Variants in CSMD1 observed in about 807,000 individuals in gnomAD.
CSMD1 encodes the protein CUB and Sushi multiple domains 1.
Under a neutral mutation model 417.5 loss-of-function variants are expected in CSMD1, and 213 were observed. The ratio of observed to expected loss-of-function variants is 0.51; its 90% CI spans 0.46 to 0.57. The LOEUF (loss-of-function observed/expected upper bound fraction) is 0.57. Ranked by LOEUF, CSMD1 falls within the 20% of genes least tolerant of loss-of-function variation. CSMD1 has a pLI of 0.00. For missense variants in CSMD1, 6,923 were observed against 4,529.7 expected (o/e 1.53, Z -15.17); for synonymous variants, 2,862 against 1,736.8 (o/e 1.65, Z -16.11).
chr8:4,652,700 A>T (rs1585396943), intron 1 of CSMD1, among the ~76,000 whole-genome samples: 2 of 152,124 alleles, frequency 1.3e-5, no homozygotes, highest in East Asian at 3.9e-4. Flanking sequence ...CATCAGGGCA[A>T]TCCCAAGCGC....
intron 18 of CSMD1, among the ~76,000 whole-genome samples, chr8:3,374,664 G>A (rs547775759): frequency 3.3e-5 from 5 of 152,310 alleles, no homozygotes; most frequent in African/African-American, 1.2e-4. Flanking sequence ...CGGAGGAAAT[G>A]CAGAAGATCA....
chr8:4,957,592 A>G (rs1809202543), intron 1 of CSMD1, among the ~76,000 whole-genome samples: 1 of 152,202 alleles, frequency 6.6e-6, no homozygotes, highest in Admixed American at 6.5e-5. Flanking sequence ...AATCTTGTGA[A>G]AGATCCTCAT....
chr8:4,633,423 G>A (rs1434130985), intron 2 of CSMD1, among the ~76,000 whole-genome samples: 1 of 150,402 alleles, frequency 6.6e-6, no homozygotes, highest in African/African-American at 2.5e-5. Context: ...ATTTTTTTTT[G>A]TATTTTTAGT....
intron 2 of CSMD1, among the ~76,000 whole-genome samples, chr8:4,568,190 C>G (rs766717276): frequency 6.6e-6 from 1 of 152,052 alleles, no homozygotes; most frequent in Non-Finnish European, 1.5e-5. Flanking sequence ...GCAGAAAGTG[C>G]CAGTTTGACA....
At chr8:3,772,932 G>A (rs1466483758) in intron 5 of CSMD1, among the ~76,000 whole-genome samples, 1 of 152,062 alleles carries the variant, frequency 6.6e-6, no homozygotes, top group Non-Finnish European at 1.5e-5. Flanking sequence ...ATGGCTCACA[G>A]TTCTGGGGTC....
chr8:3,367,327 G>A (rs533534290), intron 19 of CSMD1, 80 bp from the exon 20 acceptor site: 650 of 836,722 alleles, frequency 7.8e-4, no homozygotes, highest in Middle Eastern at 2.6e-3. Flanking sequence ...GAGCGGGGCA[G>A]AGAGAGACAG....
rs113621054 is a variant in CSMD1, at chr8:4,173,811, G to A, written c.416-141712C>T. Reference sequence around the variant, plus strand: ...AAAGTTAGTGGTGAGGTGCGCTTGAGGAACAATCTGATCAGGCTTCTCAGT... The same window carrying A: ...AAAGTTAGTGGTGAGGTGCGCTTGAAGAACAATCTGATCAGGCTTCTCAGT... On this transcript the variant is annotated intron_variant, in intron 3 of 69. Transcript: ENST00000635120. Among the ~76,000 whole-genome samples, 1,195 of 152,224 alleles carry A rather than the reference G, an allele frequency of 7.9e-3. 20 individuals carry two copies. The highest frequency in any genetic ancestry group is 0.028 in the African/African-American group (1,144 of 41,520).
chr8:3,691,555 T>C (rs1404119408), intron 7 of CSMD1, among the ~76,000 whole-genome samples: 1 of 152,154 alleles, frequency 6.6e-6, no homozygotes, highest in South Asian at 2.1e-4. Flanking sequence ...GAATGAATAA[T>C]TGTATTTACA....
chr8:3,189,807 G>A, intron 34 of CSMD1, 105 bp downstream of exon 34: 3 of 1,045,232 alleles, frequency 2.9e-6, no homozygotes, highest in East Asian at 2.6e-5. Flanking sequence ...CTTTAAATGG[G>A]TCATGAGCCA....
intron 1 of CSMD1, among the ~76,000 whole-genome samples, chr8:4,908,631 T>C (rs1419138632): frequency 6.6e-6 from 1 of 151,230 alleles, no homozygotes; most frequent in Non-Finnish European, 1.5e-5. Context: ...TTCTAGGCTA[T>C]ATTCAGTCTA....
Position 3,440,220 on chromosome 8 carries a change from T to C in CSMD1, c.1561+28492A>G, listed in dbSNP as rs371020285. Among the ~76,000 whole-genome samples, 1,165 of 116,912 alleles carry C rather than the reference T, an allele frequency of 1.0e-2. 19 individuals carry two copies. The highest frequency in any genetic ancestry group is 0.037 in the African/African-American group (1,096 of 29,282). The allele number at this position is 116,912 out of a possible 152,430, so 76.7% of individuals were successfully genotyped here. A position where few individuals can be genotyped will look rare whatever the true frequency, so the allele number is the denominator to read the frequency against. On this transcript the variant is annotated intron_variant, in intron 12 of 69. Coordinates refer to ENST00000635120, the MANE Select transcript of CSMD1 (RefSeq NM_033225.6). ...TGCTGAGATTCTTATAACAGGTGCA[T>C]TAAACTGTATATCAATTTGGGAGAT...
intron 1 of CSMD1, among the ~76,000 whole-genome samples, chr8:4,893,611 A>C (rs1254994878): frequency 6.6e-6 from 1 of 152,186 alleles, no homozygotes; most frequent in Non-Finnish European, 1.5e-5. Context: ...CATTTTCTGC[A>C]ATAAGATATG....
chr8:4,262,343 A>C (rs1803944845), intron 3 of CSMD1, among the ~76,000 whole-genome samples: 1 of 152,120 alleles, frequency 6.6e-6, no homozygotes, highest in Admixed American at 6.6e-5. Flanking sequence ...TCATTTCTGC[A>C]ATCTGGGATT....
intron 11 of CSMD1, among the ~76,000 whole-genome samples, chr8:3,481,538 T>C (rs1310569961): frequency 6.6e-6 from 1 of 152,178 alleles, no homozygotes; most frequent in East Asian, 1.9e-4. Context: ...CTCACTCTAA[T>C]CCCTCAAATC....
intron 3 of CSMD1, among the ~76,000 whole-genome samples, chr8:4,064,591 C>A (rs1322873693): frequency 6.6e-6 from 1 of 152,186 alleles, no homozygotes; most frequent in Non-Finnish European, 1.5e-5. Flanking sequence ...CATACAACTG[C>A]CGTTTCCGAA....
chr8:4,650,407 C>G (rs1803820844), intron 1 of CSMD1, among the ~76,000 whole-genome samples: 1 of 150,642 alleles, frequency 6.6e-6, no homozygotes, highest in Non-Finnish European at 1.5e-5. Flanking sequence ...AACGGATTTG[C>G]CACTGTAATT....
rs535122734 is a variant in CSMD1 at position 3,642,317 on chromosome 8, C to T, written c.1010-25520G>A. On this transcript the variant is annotated intron_variant, in intron 7 of 69. Transcript: ENST00000635120. ...AAGAGATCAGAAAGAGTGAAAAGAACTTGCTCTTTCCCACCTTGGTGCTGT... is the reference window on the plus strand; with the variant it reads ...AAGAGATCAGAAAGAGTGAAAAGAATTTGCTCTTTCCCACCTTGGTGCTGT... Among the ~76,000 whole-genome samples, 23 of 152,210 alleles carry T rather than the reference C, an allele frequency of 1.5e-4. No individual in the cohort carries two copies. In the South Asian group the frequency reaches 4.2e-3, roughly 28 times the overall value.
Position 4,430,648 on chromosome 8 carries a change from C to G in CSMD1, c.303-10583G>C, listed in dbSNP as rs143774406. ...ATCCTCTTTTTTTTAATCAATGCAC[C>G]AAGTTATTTTGGGCAAGTTATAATT... On this transcript the variant is annotated intron_variant, in intron 2 of 69. Coordinates refer to ENST00000635120, the MANE Select transcript of CSMD1 (RefSeq NM_033225.6). 5.1e-3 allele frequency among the ~76,000 whole-genome samples: 775 copies of G among 151,842 alleles called. 8 individuals carry two copies. The highest frequency in any genetic ancestry group is 0.018 in the African/African-American group (741 of 41,398).
intron 5 of CSMD1, among the ~76,000 whole-genome samples, chr8:3,896,659 C>T (rs1584928597): frequency 1.3e-5 from 2 of 151,954 alleles, no homozygotes; most frequent in Admixed American, 1.3e-4. Flanking sequence ...CTACAGGCGC[C>T]CGCCACCACA....
Sources: gnomAD v4.1 joint callset for allele counts (sites outside exome capture counted in the v4.1 genomes callset) on GRCh38, gnomAD v4.1.1 for gene constraint, MANE v1.5 for transcripts, NCBI Gene and HGNC (gene_info 2026-07-23, HGNC 2026-07-21) for gene names.